The following MEGF10 variants were observed in gnomAD, a reference collection of about 807,000 sequenced individuals.
MEGF10 encodes the protein multiple EGF like domains 10.
Under a neutral mutation model 147.5 loss-of-function variants are expected in MEGF10, and 86 were observed. The ratio of observed to expected loss-of-function variants is 0.58; its 90% CI spans 0.49 to 0.70. The LOEUF is 0.70. Ranked by LOEUF, MEGF10 falls within the 30% of genes least tolerant of loss-of-function variation. MEGF10 has a pLI of 0.00. For synonymous variants in MEGF10, 478 were observed against 525.5 expected (o/e 0.91, Z 1.24); for missense variants, 1,329 against 1,487.3 (o/e 0.89, Z 1.75).
the MEGF10 span, among the ~76,000 whole-genome samples, chr5:127,243,259 T>C: frequency 2.0e-5 from 3 of 152,156 alleles, no homozygotes; most frequent in African/African-American, 7.2e-5. Context: ...AGAGGTTAAA[T>C]TTCATGGGCA....
At chr5:127,423,967 T>C (rs1214703931) in intron 13 of MEGF10, among the ~76,000 whole-genome samples, 1 of 152,208 alleles carries the variant, frequency 6.6e-6, no homozygotes, top group African/African-American at 2.4e-5. Flanking sequence ...GTCACAAGAT[T>C]TATGTCCATG....
chr5:127,372,591 G>A (rs1020325014), intron 5 of MEGF10, among the ~76,000 whole-genome samples: 1 of 152,360 alleles, frequency 6.6e-6, no homozygotes, highest in South Asian at 2.1e-4. Context: ...GTCTGTGACA[G>A]TTTCTCAGTC....
At chr5:127,334,374 C>A (rs992642106) in intron 2 of MEGF10, among the ~76,000 whole-genome samples, 1 of 152,136 alleles carries the variant, frequency 6.6e-6, no homozygotes, top group Non-Finnish European at 1.5e-5. Flanking sequence ...CAGGTCCCAC[C>A]CCAGACCTAC....
chr5:127,369,116 C>T (rs948367432), intron 4 of MEGF10, among the ~76,000 whole-genome samples: 1 of 152,216 alleles, frequency 6.6e-6, no homozygotes, highest in Non-Finnish European at 1.5e-5. Flanking sequence ...AACCCCAAAC[C>T]CTTTAAGTCG....
chr5:127,368,074 G>T (rs181285420), intron 4 of MEGF10, among the ~76,000 whole-genome samples: 145 of 152,278 alleles, frequency 9.5e-4, no homozygotes, highest in Non-Finnish European at 1.3e-3. Context: ...GCTTACAAAT[G>T]AATGACATCT....
Position 127,324,881 on chromosome 5 carries a change from T to C in MEGF10, c.-18-6410T>C, listed in dbSNP as rs79947745. Among the ~76,000 whole-genome samples, 1,266 of 152,328 alleles carry C rather than the reference T, an allele frequency of 8.3e-3. 19 individuals are homozygous for C. The highest frequency in any genetic ancestry group is 0.029 in the African/African-American group (1,208 of 41,582). On this transcript the variant is annotated intron_variant, in intron 1 of 24. Transcript: ENST00000503335. ...ACCCTCAAGGCTTGGCTCTTATCTT[T>C]CTCTTTGCCTTGTGGCCCCTCCTTG...
chr5:127,443,179 T>A lies in MEGF10; in HGVS notation c.2491+53T>A. 3.3e-6 allele frequency: 5 copies of A among 1,513,550 alleles called. No individual in the cohort carries two copies. In the South Asian group the frequency reaches 6.7e-5, roughly 20 times the overall value. 93.8% of individuals were successfully genotyped at this position (1,513,550 alleles called of 1,614,324 possible). On this transcript the variant is annotated intron_variant, in intron 19 of 24. Coordinates refer to ENST00000503335, the MANE Select transcript of MEGF10 (RefSeq NM_001256545.2). The stretch of plus-strand genomic sequence containing the variant: ...ACTGCAGTATTGTGTGAACACCATG[T>A]ACCAGGCAATGTGAAGTATTTTCAC...
chr5:127,230,532 C>T, the MEGF10 span, among the ~76,000 whole-genome samples: 7 of 149,524 alleles, frequency 4.7e-5, no homozygotes. Flanking sequence ...GTCCTAGAGC[C>T]AAGAGACTTA....
In MEGF10 at chr5:127,396,657, G is replaced by A. The variant is rs142679354; in HGVS notation, c.538G>A (p.Asp180Asn). The A allele has an allele frequency of 5.6e-5, 90 of 1,614,000 alleles. No individual in the cohort carries two copies. The highest frequency in any genetic ancestry group is 7.2e-5 in the Non-Finnish European group (85 of 1,180,034). The change falls in exon 6 of 25, where the codon GAC becomes AAC. Residue 180 changes from aspartate (D) to asparagine (N), a missense_variant. Coordinates refer to ENST00000503335, the MANE Select transcript of MEGF10 (RefSeq NM_001256545.2). ...GGGCTTCCGGGGCTGGCGCTGCGAG[G>A]ACCGCTGTGAGCAGGGCACCTATGG... ...AAGFRGWRCE[D>N]RCEQGTYGND...
At chr5:127,385,187 T>A (rs1763384644) in intron 5 of MEGF10, among the ~76,000 whole-genome samples, 1 of 152,258 alleles carries the variant, frequency 6.6e-6, no homozygotes, top group African/African-American at 2.4e-5. Flanking sequence ...CTCATAGTCA[T>A]GGATTTTCCT....
chr5:127,251,293 G>T, the MEGF10 span, among the ~76,000 whole-genome samples: 1 of 151,950 alleles, frequency 6.6e-6, no homozygotes, highest in Non-Finnish European at 1.5e-5. Context: ...TGCACATCAG[G>T]GTTTAGTATA....
the MEGF10 span, among the ~76,000 whole-genome samples, chr5:127,263,741 T>C: frequency 1.3e-5 from 2 of 152,188 alleles, no homozygotes; most frequent in Non-Finnish European, 2.9e-5. Flanking sequence ...TAAGTAATCC[T>C]GTAAATGATT....
intron 22 of MEGF10, among the ~76,000 whole-genome samples, chr5:127,452,608 C>T (rs1360896012): frequency 2.0e-5 from 3 of 151,844 alleles, no homozygotes; most frequent in East Asian, 3.9e-4. Context: ...TGACTCCCAT[C>T]ATGTAGACAT....
At chr5:127,418,925 A>G (rs961522863) in intron 10 of MEGF10, among the ~76,000 whole-genome samples, 195 bp from the exon 11 acceptor site, 2 of 152,254 alleles carry the variant, frequency 1.3e-5, no homozygotes, top group African/African-American at 4.8e-5. Context: ...TATCCTAAAC[A>G]TAGACCAGCT....
chr5:127,299,464 C>A (rs1759671967), intron 1 of MEGF10, among the ~76,000 whole-genome samples: 3 of 152,170 alleles, frequency 2.0e-5, no homozygotes, highest in Non-Finnish European at 1.5e-5. Flanking sequence ...AAACTGGATT[C>A]TAGCCCTGGA....
At chr5:127,252,578 T>G in the MEGF10 span, among the ~76,000 whole-genome samples, 1 of 151,922 alleles carries the variant, frequency 6.6e-6, no homozygotes, top group Non-Finnish European at 1.5e-5. Flanking sequence ...ACTTGCACGT[T>G]GTGTTTACAT....
At chr5:127,343,777 C>A (rs1358792561) in intron 4 of MEGF10, among the ~76,000 whole-genome samples, 1 of 151,764 alleles carries the variant, frequency 6.6e-6, no homozygotes, top group Non-Finnish European at 1.5e-5. Context: ...ATAGGGAGAC[C>A]CCGTCTCTTA....
chr5:127,393,452 T>C (rs1298921548), intron 5 of MEGF10, among the ~76,000 whole-genome samples: 1 of 152,238 alleles, frequency 6.6e-6, no homozygotes, highest in East Asian at 1.9e-4. Flanking sequence ...TGGTTAAATA[T>C]GACAAATGAA....
intron 22 of MEGF10, among the ~76,000 whole-genome samples, chr5:127,449,596 C>T (rs916717394): frequency 7.9e-5 from 12 of 152,194 alleles, no homozygotes; most frequent in African/African-American, 2.7e-4. Context: ...GGTTATGTTA[C>T]TTGCACAGGA....
Sources: gnomAD v4.1 joint callset for allele counts (sites outside exome capture counted in the v4.1 genomes callset) on GRCh38, gnomAD v4.1.1 for gene constraint, MANE v1.5 for transcripts, NCBI Gene and HGNC (gene_info 2026-07-23, HGNC 2026-07-21) for gene names.